IL34: variants seen among roughly 807,000 people sequenced by gnomAD.
IL34 encodes the protein interleukin-34.
In IL34, 17 loss-of-function variants were observed where a neutral mutation model predicts 25.3. The observed-to-expected ratio is 0.67, with a 90% confidence interval of 0.46 to 1.01. The LOEUF (loss-of-function observed/expected upper bound fraction) is 1.01. Among genes scored for constraint, IL34 ranks in the 50% least tolerant of loss-of-function variants. The pLI is 0.00. For missense variants in IL34, 368 were observed against 312.9 expected (o/e 1.18, Z -1.33); for synonymous variants, 174 against 140.9 (o/e 1.23, Z -1.66).
At chr16:70,638,982 G>T (rs1050272485) in intron 1 of IL34, among the ~76,000 whole-genome samples, 1 of 152,230 alleles carries the variant, frequency 6.6e-6, no homozygotes, top group African/African-American at 2.4e-5. Context: ...CAGGGGTGTT[G>T]TGGTAGACAC....
upstream of IL34, among the ~76,000 whole-genome samples, chr16:70,641,597 A>G (rs1597770721): frequency 7.4e-6 from 1 of 135,230 alleles, no homozygotes; most frequent in Non-Finnish European, 1.5e-5. Flanking sequence ...ATGGAATCTC[A>G]CTCTGTTGCC....
Position 70,659,575 on chromosome 16 carries a change from G to T in IL34, c.403-43G>T, listed in dbSNP as rs199550676. The T allele has an allele frequency of 2.5e-6, 4 of 1,569,640 alleles. No individual in the cohort carries two copies. The South Asian group carries it at 3.5e-5, about 14-fold the overall frequency. On this transcript the variant is annotated intron_variant, in intron 4 of 5. Coordinates refer to ENST00000288098, the MANE Select transcript of IL34 (RefSeq NM_001393494.1). ...AGCCCTCACGGCTCTCCTGGGGTGC[G>T]GCCCCATCTCGCCACCGCTCCTGAC...
chr16:70,595,448 G>A (rs2050808767), intron 1 of IL34, among the ~76,000 whole-genome samples: 1 of 152,046 alleles, frequency 6.6e-6, no homozygotes, highest in Non-Finnish European at 1.5e-5. Flanking sequence ...AGCCTCTCGT[G>A]TAGCTGGACC....
chr16:70,620,006 G>A (rs1438632508), intron 1 of IL34, among the ~76,000 whole-genome samples: 3 of 151,924 alleles, frequency 2.0e-5, no homozygotes, highest in Middle Eastern at 3.4e-3. Context: ...GTGTGCTGGA[G>A]ATGTGGCTGG....
intron 1 of IL34, among the ~76,000 whole-genome samples, chr16:70,603,188 A>G (rs1477447084): frequency 6.6e-6 from 1 of 152,258 alleles, no homozygotes; most frequent in Non-Finnish European, 1.5e-5. Flanking sequence ...CTTCTCAGCC[A>G]GATGGAAGAT....
At chr16:70,587,916 G>A (rs2151804729) in intron 1 of IL34, among the ~76,000 whole-genome samples, 1 of 152,192 alleles carries the variant, frequency 6.6e-6, no homozygotes, top group Admixed American at 6.5e-5. Flanking sequence ...GCACACGCCT[G>A]TAGTCCCAGT....
intron 1 of IL34, among the ~76,000 whole-genome samples, chr16:70,650,440 AG>A (rs2052050766): frequency 6.6e-6 from 1 of 152,086 alleles, no homozygotes; most frequent in African/African-American, 2.4e-5. Flanking sequence ...TGTCACTCCA[AG>A]GCACAGTCCC....
At chr16:70,619,646 C>T (rs1597751143) in intron 1 of IL34, among the ~76,000 whole-genome samples, 1 of 152,296 alleles carries the variant, frequency 6.6e-6, no homozygotes, top group Non-Finnish European at 1.5e-5. Flanking sequence ...AAAGGGCTTA[C>T]CTTCCACTGT....
intron 1 of IL34, among the ~76,000 whole-genome samples, chr16:70,593,304 C>G (rs1349191770): frequency 6.6e-6 from 1 of 152,072 alleles, no homozygotes; most frequent in Admixed American, 6.5e-5. Flanking sequence ...AGTCTAATGT[C>G]AATTTTTTAT....
chr16:70,635,018 T>C (rs1326101098), intron 1 of IL34, among the ~76,000 whole-genome samples: 1 of 152,222 alleles, frequency 6.6e-6, no homozygotes, highest in Non-Finnish European at 1.5e-5. Flanking sequence ...GTTTTAGAAG[T>C]GCCTATGATT....
intron 1 of IL34, among the ~76,000 whole-genome samples, chr16:70,606,779 G>T (rs753018194): frequency 6.6e-6 from 1 of 152,094 alleles, no homozygotes; most frequent in Admixed American, 6.5e-5. Context: ...GTAGAGGCAA[G>T]GTCTCACTAT....
Position 70,650,924 on chromosome 16 carries a change from G to A in IL34, c.29-3614G>A, listed in dbSNP as rs141193085. On this transcript the variant is annotated intron_variant, in intron 1 of 5. Coordinates refer to ENST00000288098, the MANE Select transcript of IL34 (RefSeq NM_001393494.1). ...GCTGGGCTGTGCAGTGTTTAACTGC[G>A]TTATGGATTCACACACAGGCTCACG... 6.5e-3 allele frequency among the ~76,000 whole-genome samples: 994 copies of A among 152,332 alleles called. 7 individuals are homozygous for A. Among genetic ancestry groups the A allele is most frequent in the Middle Eastern group, 0.024 (7 of 294 alleles).
chr16:70,589,523 G>A (rs915655334), intron 1 of IL34, among the ~76,000 whole-genome samples: 2 of 152,116 alleles, frequency 1.3e-5, no homozygotes, highest in Non-Finnish European at 2.9e-5. Context: ...CTTTGCTGAG[G>A]ATAATGGCCT....
intron 1 of IL34, among the ~76,000 whole-genome samples, chr16:70,610,282 G>A (rs2051071748): frequency 6.6e-6 from 1 of 151,984 alleles, no homozygotes; most frequent in Non-Finnish European, 1.5e-5. Context: ...GGAATCAAAG[G>A]GCCAAGAAAA....
chr16:70,656,663 C>T lies in IL34; in HGVS notation c.224C>T (p.Ala75Val), dbSNP rs1028716472. The stretch of plus-strand genomic sequence containing the variant: ...CCTTACGAGGGGGTGTTCAGAATCG[C>T]CAACGTCACCAGGCTGGTGAGAATC... ...SVPYEGVFRI[A>V]NVTRLQRAQV... The change falls in exon 3 of 6, where the codon GCC becomes GTC. Residue 75 changes from alanine (A) to valine (V), a missense_variant. Coordinates refer to ENST00000288098, the MANE Select transcript of IL34 (RefSeq NM_001393494.1). 6 of 1,390,102 alleles carry T rather than the reference C, an allele frequency of 4.3e-6. No individual in the cohort carries two copies. Among genetic ancestry groups the T allele is most frequent in the Admixed American group, 3.3e-5 (2 of 59,718 alleles). 86.1% of individuals were successfully genotyped at this position (1,390,102 alleles called of 1,614,324 possible).
Position 70,660,250 on chromosome 16 carries a change from G to T in IL34, c.*63G>T. ...CCAGCTCCCACAGGAGTTCAACTGG[G>T]TCTGAGACTTCAAGGGGTGGTGGTG... On this transcript the variant is annotated 3_prime_UTR_variant, in exon 6 of 6. Coordinates refer to ENST00000288098, the MANE Select transcript of IL34 (RefSeq NM_001393494.1). 7.0e-7 allele frequency: 1 copy of T among 1,433,392 alleles called. No individual in the cohort carries two copies. Among genetic ancestry groups the T allele is most frequent in the Non-Finnish European group, 9.3e-7 (1 of 1,073,210 alleles). 88.8% of individuals were successfully genotyped at this position (1,433,392 alleles called of 1,614,324 possible).
upstream of IL34, among the ~76,000 whole-genome samples, chr16:70,642,615 G>A (rs2051813059): frequency 6.6e-6 from 1 of 151,986 alleles, no homozygotes; most frequent in Admixed American, 6.6e-5. Context: ...TTCTTATAAA[G>A]GCATTATCCC....
At chr16:70,584,804 G>A (rs1012264372) in intron 1 of IL34, among the ~76,000 whole-genome samples, 1 of 151,880 alleles carries the variant, frequency 6.6e-6, no homozygotes, top group African/African-American at 2.4e-5. Context: ...TGGTTCAAGC[G>A]ATTCTCCTGC....
chr16:70,607,632 C>G (rs2051027264), intron 1 of IL34, among the ~76,000 whole-genome samples: 1 of 152,094 alleles, frequency 6.6e-6, no homozygotes, highest in South Asian at 2.1e-4. Flanking sequence ...TCGAAGATGC[C>G]CCTTTTCAGG....
Sources: allele counts gnomAD v4.1 joint callset (sites outside exome capture counted in the v4.1 genomes callset), GRCh38; gene constraint gnomAD v4.1.1; transcripts MANE v1.5; gene names NCBI Gene and HGNC (gene_info 2026-07-23, HGNC 2026-07-21).